Variants in CCNY observed in about 807,000 individuals in gnomAD.
CCNY encodes the protein cyclin Y.
In CCNY, 19 loss-of-function variants were observed where a neutral mutation model predicts 42.8. The ratio of observed to expected loss-of-function variants is 0.44; its 90% CI spans 0.31 to 0.65. The LOEUF is 0.65. Among genes scored for constraint, CCNY ranks in the 30% least tolerant of loss-of-function variants. The pLI, the probability that CCNY is intolerant of heterozygous loss-of-function variation, is 0.07. For synonymous variants in CCNY, 165 were observed against 162.7 expected (o/e 1.01, Z -0.11); for missense variants, 370 against 437.3 (o/e 0.85, Z 1.37).
rs745833511 is a variant in CCNY at position 35,569,061 on chromosome 10, C to G, written c.917C>G (p.Ser306Cys). ...GTCTTTCTTGCCCCTCAGGCCATCTCTCGCCTCTGCGAGGACAAGTACAAG... is the reference window on the plus strand; with the variant it reads ...GTCTTTCTTGCCCCTCAGGCCATCTGTCGCCTCTGCGAGGACAAGTACAAG... Reference protein sequence around the residue: ...RERAHKLEAISRLCEDKYKDL... With the variant: ...RERAHKLEAICRLCEDKYKDL... Residue 306 changes from serine (S) to cysteine (C), a missense_variant, in exon 10 of 10, where the codon TCT (serine) becomes TGT (cysteine). Around this residue, in one of 2 missense-constraint regions of CCNY, gnomAD observed 234 missense variants for 313.1 expected, o/e 0.75. Coordinates refer to ENST00000374704, the MANE Select transcript of CCNY (RefSeq NM_145012.6). 23 of 1,609,946 alleles carry G rather than the reference C, an allele frequency of 1.4e-5. No individual in the cohort carries two copies. In the East Asian group the frequency reaches 1.8e-4, roughly 12 times the overall value.
In CCNY at chr10:35,440,036, A is replaced by C. The variant is rs185201283; in HGVS notation, c.155-43368A>C. On this transcript the variant is annotated intron_variant, in intron 1 of 9. Coordinates refer to ENST00000374704, the MANE Select transcript of CCNY (RefSeq NM_145012.6). The stretch of plus-strand genomic sequence containing the variant: ...TTCTTGGACCTAGAGGTGTTGGGGC[A>C]TCTCATTACCACTTCACAATGGCAA... Among the ~76,000 whole-genome samples, 8 of 152,264 alleles carry C rather than the reference A, an allele frequency of 5.3e-5. No individual in the cohort carries two copies. In the East Asian group the frequency reaches 1.5e-3, roughly 29 times the overall value.
At position 35,560,725 on chromosome 10, in the gene CCNY, C is replaced by G. The variant is rs1841449586; in HGVS notation, c.747-5298C>G. Among the ~76,000 whole-genome samples, 6 of 152,278 alleles carry G rather than the reference C, an allele frequency of 3.9e-5. No individual in the cohort carries two copies. In the South Asian group the frequency reaches 1.2e-3, roughly 32 times the overall value. ...TCTGTGGACATAGATGCTGGTGGAG[C>G]TAGAGGCTCCAAGTGATTTTGTGGC... On this transcript the variant is annotated intron_variant, in intron 8 of 9. Coordinates refer to ENST00000374704, the MANE Select transcript of CCNY (RefSeq NM_145012.6).
At chr10:35,492,497 T>C (rs1014450867) in intron 2 of CCNY, among the ~76,000 whole-genome samples, 1 of 152,224 alleles carries the variant, frequency 6.6e-6, no homozygotes, top group African/African-American at 2.4e-5. Flanking sequence ...AGAGTAATGG[T>C]TTATCAGAAA....
intron 1 of CCNY, among the ~76,000 whole-genome samples, chr10:35,478,003 CAGAG>C (rs1228982829): frequency 9.6e-5 from 14 of 145,334 alleles, no homozygotes; most frequent in African/African-American, 1.5e-4. Context: ...AACAGACAAA[CAGAG>C]AGCCAAATCA....
intron 3 of CCNY, chr10:35,320,738 C>T (rs1302409630): frequency 2.0e-5 from 3 of 151,984 alleles, no homozygotes; most frequent in Non-Finnish European, 2.9e-5. Flanking sequence ...TTATGAAAGG[C>T]AAATCAAAAT....
intron 1 of CCNY, among the ~76,000 whole-genome samples, chr10:35,384,651 TCA>T (rs1420795167): frequency 6.6e-6 from 1 of 152,126 alleles, no homozygotes; most frequent in Admixed American, 6.5e-5. Flanking sequence ...ACATCACGAC[TCA>T]CATAGGGTGA....
chr10:35,403,536 C>T (rs985790120), intron 1 of CCNY, among the ~76,000 whole-genome samples: 1 of 152,136 alleles, frequency 6.6e-6, no homozygotes, highest in African/African-American at 2.4e-5. Context: ...CTTTGGTGGT[C>T]CTTGCAGTGT....
chr10:35,282,383 T>A (rs979830485), intron 3 of CCNY, among the ~76,000 whole-genome samples: 2 of 152,024 alleles, frequency 1.3e-5, no homozygotes, highest in Non-Finnish European at 2.9e-5. Context: ...CACTTTAGCC[T>A]CCCAAAGTGC....
chr10:35,464,790 G>A (rs1402861530), intron 1 of CCNY, among the ~76,000 whole-genome samples: 2 of 152,122 alleles, frequency 1.3e-5, no homozygotes, highest in Non-Finnish European at 2.9e-5. Flanking sequence ...ACATCGAGTT[G>A]ATTCTCCATA....
chr10:35,276,536 T>C (rs1589012773), intron 3 of CCNY, among the ~76,000 whole-genome samples: 1 of 152,216 alleles, frequency 6.6e-6, no homozygotes, highest in Non-Finnish European at 1.5e-5. Flanking sequence ...CAGGCGTGCA[T>C]CACCATGCCC....
chr10:35,261,225 TA>T (rs1554963506), intron 3 of CCNY, among the ~76,000 whole-genome samples: 58 of 137,932 alleles, frequency 4.2e-4, no homozygotes, highest in Non-Finnish European at 5.4e-4. Context: ...ACCCTGTCTC[TA>T]AAAAAAAAAA....
intron 3 of CCNY, 36 bp downstream of exon 3, chr10:35,501,571 A>G (rs780585861): frequency 3.2e-6 from 5 of 1,582,936 alleles, no homozygotes; most frequent in Admixed American, 3.3e-5. Flanking sequence ...CTTCATAATG[A>G]CTGTACAGTG....
intron 7 of CCNY, among the ~76,000 whole-genome samples, chr10:35,548,926 A>G (rs893388392): frequency 2.0e-5 from 3 of 152,230 alleles, no homozygotes; most frequent in African/African-American, 7.2e-5. Context: ...CTGATAAGCC[A>G]TAAAAATCCA....
chr10:35,419,322 C>A (rs1838103648), intron 1 of CCNY, among the ~76,000 whole-genome samples: 1 of 152,034 alleles, frequency 6.6e-6, no homozygotes, highest in Admixed American at 6.6e-5. Flanking sequence ...ATCCTTTGAG[C>A]ATTAAAAATT....
At chr10:35,349,186 T>C (rs1325498871) in intron 1 of CCNY, among the ~76,000 whole-genome samples, 1 of 152,148 alleles carries the variant, frequency 6.6e-6, no homozygotes, top group African/African-American at 2.4e-5. Context: ...GAGGGATGGC[T>C]GTAGAGGTAA....
intron 1 of CCNY, among the ~76,000 whole-genome samples, chr10:35,364,240 G>C (rs1454657837): frequency 1.3e-5 from 2 of 152,034 alleles, no homozygotes; most frequent in Non-Finnish European, 2.9e-5. Flanking sequence ...CCTTTCACCC[G>C]TAATTCACCA....
chr10:35,502,765 G>A (rs1184823176), intron 3 of CCNY, among the ~76,000 whole-genome samples: 2 of 150,922 alleles, frequency 1.3e-5, no homozygotes, highest in Non-Finnish European at 2.9e-5. Context: ...TTTTTTGAAA[G>A]CAGTATATAC....
At chr10:35,340,575 G>A (rs988686664) in intron 1 of CCNY, among the ~76,000 whole-genome samples, 2 of 151,016 alleles carry the variant, frequency 1.3e-5, no homozygotes, top group African/African-American at 4.9e-5. Flanking sequence ...CATAATCTTG[G>A]TTCACTGCAA....
At chr10:35,510,075 C>T (rs1226373571) in intron 3 of CCNY, among the ~76,000 whole-genome samples, 2 of 152,108 alleles carry the variant, frequency 1.3e-5, no homozygotes, top group East Asian at 3.9e-4. Flanking sequence ...CCAAAACCTG[C>T]CTCCTCTATC....
Sources: gnomAD v4.1 joint callset for allele counts (sites outside exome capture counted in the v4.1 genomes callset) on GRCh38, gnomAD v4.1.1 for gene constraint, gnomAD v4.1.1 regional missense constraint, MANE v1.5 for transcripts, NCBI Gene and HGNC (gene_info 2026-07-23, HGNC 2026-07-21) for gene names.